The following TNS3 variants were observed in gnomAD, a reference collection of about 807,000 sequenced individuals.
The protein encoded by TNS3 is tensin-3.
A neutral mutation model predicts 140.9 loss-of-function variants in TNS3; 45 were observed. The ratio of observed to expected loss-of-function variants is 0.32; its 90% CI spans 0.25 to 0.41. The LOEUF (loss-of-function observed/expected upper bound fraction) is 0.41, where lower values mean the gene tolerates loss of function less well. Ranked by LOEUF, TNS3 falls within the 10% of genes least tolerant of loss-of-function variation. TNS3 has a pLI of 1.00. For synonymous variants in TNS3, 815 were observed against 788.4 expected (o/e 1.03, Z -0.56); for missense variants, 1,716 against 1,906.7 (o/e 0.90, Z 1.86).
intron 4 of TNS3, 118 bp from the exon 5 acceptor site, chr7:47,442,173 G>T: frequency 1.7e-6 from 1 of 587,834 alleles, no homozygotes; most frequent in Non-Finnish European, 2.6e-6. Context: ...TAAACAGCAA[G>T]TCAATCGTAA....
intron 20 of TNS3, among the ~76,000 whole-genome samples, chr7:47,312,697 T>G (rs1787171893): frequency 7.7e-6 from 1 of 129,646 alleles, no homozygotes; most frequent in Admixed American, 9.8e-5. Flanking sequence ...AGCAAAACTC[T>G]GTCTCAAAAA....
chr7:47,441,630 C>T (rs1795469980), intron 5 of TNS3, among the ~76,000 whole-genome samples: 1 of 152,224 alleles, frequency 6.6e-6, no homozygotes, highest in South Asian at 2.1e-4. Context: ...TTCCTACGGT[C>T]ATGAGGATCC....
intron 4 of TNS3, among the ~76,000 whole-genome samples, chr7:47,449,818 C>T (rs1292585477): frequency 2.6e-5 from 4 of 152,198 alleles, no homozygotes; most frequent in African/African-American, 9.6e-5. Flanking sequence ...GTTGGCCAGG[C>T]TGGTCTTGAA....
intron 20 of TNS3, among the ~76,000 whole-genome samples, chr7:47,326,131 T>C (rs979586065): frequency 5.9e-5 from 9 of 152,194 alleles, no homozygotes; most frequent in Admixed American, 5.9e-4. Flanking sequence ...ATATCAACTT[T>C]TCATATAAAG....
chr7:47,283,947 G>T, intron 27 of TNS3, 82 bp from the exon 28 acceptor site: 1 of 1,341,240 alleles, frequency 7.5e-7, no homozygotes, highest in Non-Finnish European at 9.9e-7. Context: ...AGTTGCTGAT[G>T]TGCAGACTGG....
At chr7:47,468,657 T>C (rs1054043478) in intron 4 of TNS3, among the ~76,000 whole-genome samples, 2 of 152,074 alleles carry the variant, frequency 1.3e-5, no homozygotes, top group Admixed American at 6.5e-5. Context: ...AAAATGGCCA[T>C]ACTACCCAAA....
chr7:47,519,386 T>A (rs1342729150), intron 2 of TNS3, among the ~76,000 whole-genome samples: 2 of 151,986 alleles, frequency 1.3e-5, no homozygotes, highest in Admixed American at 6.6e-5. Context: ...CTCAAAAACA[T>A]CTTAAGTCTA....
intron 3 of TNS3, among the ~76,000 whole-genome samples, chr7:47,483,687 G>A (rs1460922930): frequency 1.3e-5 from 2 of 152,208 alleles, no homozygotes; most frequent in Non-Finnish European, 2.9e-5. Context: ...GCCAGATGGG[G>A]TGCAATAACG....
At chr7:47,380,087 CG>C (rs1562661344) in intron 16 of TNS3, among the ~76,000 whole-genome samples, 1 of 152,250 alleles carries the variant, frequency 6.6e-6, no homozygotes, top group South Asian at 2.1e-4. Context: ...AGCGCTCCCG[CG>C]GTCTCCTGGG....
rs7803645 is a variant in TNS3, at chr7:47,375,001, A to G, written c.1025-5380T>C. ...GCTGTGAGGAGGTGGTGGGGTAAGGACAGAGTTCTAAAAGGTGGGGTCCTG... is the reference window on the plus strand; with the variant it reads ...GCTGTGAGGAGGTGGTGGGGTAAGGGCAGAGTTCTAAAAGGTGGGGTCCTG... On this transcript the variant is annotated intron_variant, in intron 16 of 30. Coordinates refer to ENST00000311160, the MANE Select transcript of TNS3 (RefSeq NM_022748.12). Among the ~76,000 whole-genome samples, 1,171 of 152,286 alleles carry G rather than the reference A, an allele frequency of 7.7e-3. 19 individuals carry two copies. Among genetic ancestry groups the G allele is most frequent in the African/African-American group, 0.027 (1,110 of 41,562 alleles).
intron 27 of TNS3, among the ~76,000 whole-genome samples, chr7:47,287,768 A>C (rs1785494625): frequency 6.6e-6 from 1 of 152,200 alleles, no homozygotes; most frequent in Admixed American, 6.5e-5. Context: ...TTCAGAAATG[A>C]GATTTTTAAA....
chr7:47,339,588 T>C (rs1006760114), intron 20 of TNS3, among the ~76,000 whole-genome samples: 1 of 152,240 alleles, frequency 6.6e-6, no homozygotes, highest in Non-Finnish European at 1.5e-5. Context: ...TTGATGACTG[T>C]AGCTATACAA....
intron 3 of TNS3, among the ~76,000 whole-genome samples, chr7:47,503,748 A>C (rs1798311780): frequency 6.6e-6 from 1 of 152,138 alleles, no homozygotes. Flanking sequence ...GGAGGCTTAT[A>C]AACAACAGAA....
chr7:47,522,942 T>A (rs1444421463), intron 2 of TNS3, among the ~76,000 whole-genome samples: 4 of 113,214 alleles, frequency 3.5e-5, no homozygotes, highest in African/African-American at 3.0e-5. Context: ...AAAAAAAGAG[T>A]TTCTATTGTT....
chr7:47,283,734 A>T lies in TNS3; in HGVS notation c.4060T>A (p.Ser1354Thr). The T allele has an allele frequency of 6.2e-7, 1 of 1,601,804 alleles. No homozygotes were observed. The highest frequency in any genetic ancestry group is 8.5e-7 in the Non-Finnish European group (1 of 1,174,332). The change falls in exon 28 of 31, where the codon TCA becomes ACA. Residue 1354 changes from serine (S) to threonine (T), a missense_variant. Physicochemically the swap from Ser to Thr is moderately conservative, Grantham distance 58 (BLOSUM62 1). This residue lies in a region of TNS3 where 216 missense variants were observed against 295.7 expected (regional missense o/e 0.73). Transcript: ENST00000311160. ...PVSTVVHFKV[S>T]AQGITLTDNQ... ...TCTGTCAGGGTGATGCCCTGGGCTG[A>T]CACCTTGAAGTGCACAACTGTGGAC...
chr7:47,506,843 A>G, intron 3 of TNS3, 64 bp downstream of exon 3: 1 of 1,217,852 alleles, frequency 8.2e-7, no homozygotes, highest in Non-Finnish European at 1.1e-6. Flanking sequence ...CCCCCCACAC[A>G]TATCATTCAA....
intron 12 of TNS3, 95 bp downstream of exon 12, chr7:47,413,840 CCA>C: frequency 6.8e-7 from 1 of 1,478,190 alleles, no homozygotes; most frequent in East Asian, 2.3e-5. Flanking sequence ...CTGAACCCTC[CCA>C]CACTCTTCCT....
At chr7:47,317,651 C>G (rs1489412215) in intron 20 of TNS3, among the ~76,000 whole-genome samples, 1 of 152,200 alleles carries the variant, frequency 6.6e-6, no homozygotes, top group Non-Finnish European at 1.5e-5. Flanking sequence ...AAAAAATGTG[C>G]TTTGGTTTGA....
At chr7:47,485,064 C>T (rs116806737) in intron 3 of TNS3, among the ~76,000 whole-genome samples, 2,569 of 152,328 alleles carry the variant, frequency 0.017, 72 homozygotes, top group African/African-American at 0.058. Context: ...CTCTGAGCTG[C>T]GCCTGGCCCC....
Sources: gnomAD v4.1 joint callset for allele counts (sites outside exome capture counted in the v4.1 genomes callset) on GRCh38, gnomAD v4.1.1 for gene constraint, gnomAD v4.1.1 regional missense constraint, MANE v1.5 for transcripts, NCBI Gene and HGNC (gene_info 2026-07-23, HGNC 2026-07-21) for gene names.